The following SLC36A1 variants were observed in gnomAD, a reference collection of about 807,000 sequenced individuals.
The protein encoded by SLC36A1 is proton-coupled amino acid transporter 1.
In SLC36A1, 30 loss-of-function variants were observed where a neutral mutation model predicts 47.5. That is an observed-to-expected ratio of 0.63 (90% CI 0.47 to 0.86). The LOEUF is 0.86. Ranked by LOEUF, SLC36A1 falls within the 40% of genes least tolerant of loss-of-function variation. The pLI, the probability that SLC36A1 is intolerant of heterozygous loss-of-function variation, is 0.00. For synonymous variants in SLC36A1, 255 were observed against 249.7 expected, an observed-to-expected ratio of 1.02 and a Z score of -0.20; for missense variants, 517 against 606.0, an observed-to-expected ratio of 0.85 and a Z score of 1.54.
At chr5:151,359,388 G>A in the SLC36A1 span, among the ~76,000 whole-genome samples, 1 of 152,166 alleles carries the variant, frequency 6.6e-6, no homozygotes, top group Non-Finnish European at 1.5e-5. Context: ...AATTTCTGGA[G>A]GAGGCATATT....
At chr5:151,448,596 G>C (rs186743902) in intron 1 of SLC36A1, among the ~76,000 whole-genome samples, 41 of 152,346 alleles carry the variant, frequency 2.7e-4, no homozygotes, top group African/African-American at 9.1e-4. Context: ...TGGCTGAGCC[G>C]AGGTTGTGGA....
chr5:151,390,131 G>T, the SLC36A1 span, among the ~76,000 whole-genome samples: 1 of 152,154 alleles, frequency 6.6e-6, no homozygotes, highest in Non-Finnish European at 1.5e-5. Flanking sequence ...ATCTCATTGT[G>T]GTTTTGATTT....
the SLC36A1 span, chr5:151,512,351 G>A: frequency 1.2e-6 from 2 of 1,614,218 alleles, no homozygotes; most frequent in Non-Finnish European, 1.7e-6. The surrounding 1 kb of genome is among the most constrained non-coding windows in gnomAD (Gnocchi z 4.1). Flanking sequence ...TCAAAGCCCT[G>A]GGAGACATTC....
the SLC36A1 span, among the ~76,000 whole-genome samples, chr5:151,407,083 G>A: frequency 2.6e-5 from 4 of 152,186 alleles, no homozygotes; most frequent in African/African-American, 9.7e-5. Flanking sequence ...GACTTCAGGA[G>A]TGAAGCTGCA....
chr5:151,538,834 A>T, the SLC36A1 span, among the ~76,000 whole-genome samples: 2 of 147,348 alleles, frequency 1.4e-5, no homozygotes, highest in Admixed American at 1.4e-4. Flanking sequence ...GTGCCACCAC[A>T]CCTGGCTAAT....
At chr5:151,467,583 C>A in intron 6 of SLC36A1, 124 bp from the exon 7 acceptor site, 1 of 788,372 alleles carries the variant, frequency 1.3e-6, no homozygotes, top group South Asian at 1.7e-5. Context: ...GCTCACTGGC[C>A]ACAGATTCTA....
chr5:151,480,872 A>G (rs894186881), intron 10 of SLC36A1, among the ~76,000 whole-genome samples: 1 of 151,888 alleles, frequency 6.6e-6, no homozygotes. Flanking sequence ...TAGTTCAAAT[A>G]ATTTGCTTTT....
the SLC36A1 span, among the ~76,000 whole-genome samples, chr5:151,516,584 C>T: frequency 1.1e-4 from 16 of 152,080 alleles, no homozygotes; most frequent in Admixed American, 9.8e-4. Flanking sequence ...CCTTTTTGCT[C>T]ATAATACTTA....
the SLC36A1 span, among the ~76,000 whole-genome samples, chr5:151,421,259 T>A: frequency 0.028 from 4,261 of 150,278 alleles, 74 homozygotes; most frequent in South Asian, 0.041. Flanking sequence ...CTTCTTTTTT[T>A]TTTTCAAGGT....
the SLC36A1 span, chr5:151,543,937 A>C: frequency 1.2e-6 from 2 of 1,614,160 alleles, no homozygotes; most frequent in Non-Finnish European, 1.7e-6. Context: ...TTTAAGAACC[A>C]GGTGTCCACA....
the SLC36A1 span, among the ~76,000 whole-genome samples, chr5:151,369,985 G>C: frequency 6.6e-6 from 1 of 151,860 alleles, no homozygotes; most frequent in Non-Finnish European, 1.5e-5. Context: ...AGTAGAGATG[G>C]GGTTGGGGTT....
At chr5:151,367,361 A>ATTTTTTTTTTTTTTTT in the SLC36A1 span, among the ~76,000 whole-genome samples, 1,518 of 118,484 alleles carry the variant, frequency 0.013, 30 homozygotes, top group African/African-American at 0.014. Context: ...CCAGGAATGC[A>ATTTTTTTTTTTTTTTT]TTTTTTTTTT....
At chr5:151,464,261 G>A (rs568939021) in intron 3 of SLC36A1, among the ~76,000 whole-genome samples, 2 of 152,240 alleles carry the variant, frequency 1.3e-5, no homozygotes, top group East Asian at 3.9e-4. Context: ...ACCAGTCTTG[G>A]AACAGACTTA....
At chr5:151,443,230 A>G (rs1752727676), upstream of SLC36A1, among the ~76,000 whole-genome samples, 1 of 152,118 alleles carries the variant, frequency 6.6e-6, no homozygotes, top group Admixed American at 6.5e-5. Flanking sequence ...TTTTTTAAAA[A>G]AAGAAACTTT....
At chr5:151,419,889 A>G in the SLC36A1 span, 25,540 of 152,302 alleles carry the variant, frequency 0.17, 2,376 homozygotes, top group East Asian at 0.37. Context: ...AGAGGACAAG[A>G]TACCTCCCCC....
the SLC36A1 span, among the ~76,000 whole-genome samples, chr5:151,500,595 T>G: frequency 3.6e-4 from 55 of 152,350 alleles, no homozygotes; most frequent in Non-Finnish European, 5.1e-4. Context: ...CTCGAACTCC[T>G]GACCTCAGGT....
chr5:151,510,108 G>T, the SLC36A1 span: 1 of 1,614,212 alleles, frequency 6.2e-7, no homozygotes, highest in Non-Finnish European at 8.5e-7. Context: ...GGGTGCAAAA[G>T]TACAGTTCTC....
chr5:151,511,942 C>T, the SLC36A1 span: 6 of 569,600 alleles, frequency 1.1e-5, no homozygotes, highest in Non-Finnish European at 1.9e-5. Flanking sequence ...TATCCTCCCT[C>T]ATCCCCCCAG....
the SLC36A1 span, among the ~76,000 whole-genome samples, chr5:151,428,466 G>A: frequency 6.6e-6 from 1 of 152,034 alleles, no homozygotes; most frequent in Non-Finnish European, 1.5e-5. Context: ...CCATGCAGAA[G>A]TGAGCTCTAG....
Sources: gnomAD v4.1 joint callset for allele counts (sites outside exome capture counted in the v4.1 genomes callset) on GRCh38, gnomAD v4.1.1 for gene constraint, Gnocchi (gnomAD v3.1) non-coding constraint, MANE v1.5 for transcripts, NCBI Gene and HGNC (gene_info 2026-07-23, HGNC 2026-07-21) for gene names.